KCNMA1: variants seen among roughly 807,000 people sequenced by gnomAD.
KCNMA1 encodes Calcium-activated potassium channel subunit alpha-1.
KCNMA1 carries 29 observed loss-of-function variants against 140.0 expected under a neutral mutation model. The observed-to-expected ratio is 0.21, with a 90% CI of 0.15 to 0.28. The LOEUF is 0.28. Among genes scored for constraint, KCNMA1 ranks in the 10% least tolerant of loss-of-function variants. KCNMA1 has a pLI of 1.00. For synonymous variants in KCNMA1, 612 were observed against 611.9 expected (o/e 1.00, Z 0.00); for missense variants, 880 against 1,602.2 (o/e 0.55, Z 7.70).
At chr10:77,420,572 T>C (rs1253386950) in intron 1 of KCNMA1, among the ~76,000 whole-genome samples, 2 of 152,192 alleles carry the variant, frequency 1.3e-5, no homozygotes, top group Non-Finnish European at 2.9e-5. Context: ...TCCATCAGTC[T>C]CCCGGCTAAG....
chr10:77,478,300 C>G (rs1465322525), intron 1 of KCNMA1, among the ~76,000 whole-genome samples: 1 of 152,192 alleles, frequency 6.6e-6, no homozygotes, highest in East Asian at 1.9e-4. Context: ...CTGCAGTCAA[C>G]CCCTGAACTA....
chr10:77,261,058 T>C (rs1268503903), intron 2 of KCNMA1, among the ~76,000 whole-genome samples: 1 of 152,120 alleles, frequency 6.6e-6, no homozygotes, highest in Non-Finnish European at 1.5e-5. Context: ...TCTGTCAGTA[T>C]TTATTAACCA....
intron 1 of KCNMA1, among the ~76,000 whole-genome samples, chr10:77,529,577 C>A (rs1248128072): frequency 1.3e-5 from 2 of 152,056 alleles, no homozygotes; most frequent in African/African-American, 2.4e-5. Flanking sequence ...TAGAGCCGAG[C>A]ACAGAGAAAT....
chr10:77,339,915 A>AT, intron 2 of KCNMA1, among the ~76,000 whole-genome samples: 1 of 152,352 alleles, frequency 6.6e-6, no homozygotes, highest in Non-Finnish European at 1.5e-5. Flanking sequence ...TCTTGCAGCC[A>AT]TGAGTGAAAA....
chr10:77,225,036 G>C (rs11002092), intron 3 of KCNMA1, among the ~76,000 whole-genome samples: 15,636 of 152,194 alleles, frequency 0.1, 892 homozygotes, highest in Non-Finnish European at 0.12. Flanking sequence ...GCATGGTGCA[G>C]AAAAGGCTCA....
At chr10:77,329,923 A>T (rs2154364104) in intron 2 of KCNMA1, among the ~76,000 whole-genome samples, 1 of 152,358 alleles carries the variant, frequency 6.6e-6, no homozygotes, top group Non-Finnish European at 1.5e-5. Flanking sequence ...GAGATAATGC[A>T]CCCGAATAGC....
intron 1 of KCNMA1, among the ~76,000 whole-genome samples, chr10:77,565,883 G>C (rs1467622284): frequency 2.6e-5 from 4 of 151,870 alleles, no homozygotes; most frequent in Non-Finnish European, 5.9e-5. Context: ...ATCCCCACAT[G>C]AATGCACCTC....
At chr10:77,434,239 G>C (rs928195297) in intron 1 of KCNMA1, among the ~76,000 whole-genome samples, 2 of 152,186 alleles carry the variant, frequency 1.3e-5, no homozygotes, top group African/African-American at 4.8e-5. Flanking sequence ...CACCTTCTAG[G>C]CTATTTTCTC....
At chr10:77,251,986 G>C (rs1422093211) in intron 2 of KCNMA1, among the ~76,000 whole-genome samples, 1 of 152,206 alleles carries the variant, frequency 6.6e-6, no homozygotes, top group African/African-American at 2.4e-5. Context: ...TGATCTATAT[G>C]ATTAGAACAC....
intron 1 of KCNMA1, among the ~76,000 whole-genome samples, chr10:77,483,495 G>A (rs1054454294): frequency 2.6e-5 from 4 of 152,132 alleles, no homozygotes; most frequent in Non-Finnish European, 5.9e-5. Flanking sequence ...GGGGCCTGTC[G>A]CCTCCTGGGA....
intron 3 of KCNMA1, among the ~76,000 whole-genome samples, chr10:77,233,524 G>A (rs2054317428): frequency 1.3e-5 from 2 of 152,220 alleles, no homozygotes; most frequent in Non-Finnish European, 2.9e-5. Context: ...CATTCCACTG[G>A]AGGCTATATG....
chr10:76,915,769 TG>T (rs924428872), intron 23 of KCNMA1, among the ~76,000 whole-genome samples: 3 of 152,144 alleles, frequency 2.0e-5, no homozygotes, highest in African/African-American at 7.2e-5. Flanking sequence ...GAAATCTTCC[TG>T]GGGCTTTCAG....
chr10:77,511,224 GTGATGC>G (rs1283923356), intron 1 of KCNMA1, among the ~76,000 whole-genome samples: 2 of 152,210 alleles, frequency 1.3e-5, no homozygotes, highest in African/African-American at 4.8e-5. Flanking sequence ...AAATTCCCAG[GTGATGC>G]TGATGCTGTT....
At chr10:76,993,433 T>C (rs1020884741) in intron 19 of KCNMA1, among the ~76,000 whole-genome samples, 2 of 152,176 alleles carry the variant, frequency 1.3e-5, no homozygotes, top group Admixed American at 1.3e-4. Flanking sequence ...TGGGGAGAAT[T>C]AGGCTCATGG....
chr10:77,429,599 T>C (rs703260), intron 1 of KCNMA1, among the ~76,000 whole-genome samples: 18,121 of 152,206 alleles, frequency 0.12, 1,328 homozygotes, highest in South Asian at 0.26. Flanking sequence ...CTGCATATTG[T>C]ACCCTCTTTT....
chr10:77,349,891 C>T (rs1312097607), intron 2 of KCNMA1, among the ~76,000 whole-genome samples: 7 of 151,818 alleles, frequency 4.6e-5, no homozygotes, highest in African/African-American at 7.3e-5. Context: ...ATTTATATGC[C>T]CATTTCTTCT....
intron 1 of KCNMA1, among the ~76,000 whole-genome samples, chr10:77,481,422 A>G (rs1052827106): frequency 1.3e-5 from 2 of 152,296 alleles, no homozygotes; most frequent in African/African-American, 2.4e-5. Context: ...GAAATGCTCA[A>G]TTCAATCATG....
intron 1 of KCNMA1, among the ~76,000 whole-genome samples, chr10:77,633,492 T>C (rs2093427742): frequency 6.6e-6 from 1 of 151,888 alleles, no homozygotes; most frequent in South Asian, 2.1e-4. Context: ...GTGCAGCCAA[T>C]CCCCAGGACA....
intron 2 of KCNMA1, among the ~76,000 whole-genome samples, chr10:77,344,252 G>A (rs1281871855): frequency 4.6e-5 from 7 of 152,190 alleles, no homozygotes. Context: ...GCTAAGAGGT[G>A]GAACCCAGCC....
Sources: allele counts gnomAD v4.1 joint callset (sites outside exome capture counted in the v4.1 genomes callset), GRCh38; gene constraint gnomAD v4.1.1; transcripts MANE v1.5; gene names NCBI Gene and HGNC (gene_info 2026-07-23, HGNC 2026-07-21).